HHLA1: variants seen among roughly 807,000 people sequenced by gnomAD.
HHLA1 encodes the protein HERV-H LTR-associating protein 1.
In HHLA1, 72 loss-of-function variants were observed where a neutral mutation model predicts 69.9. That is an observed-to-expected ratio of 1.03 (90% CI 0.85 to 1.25). The LOEUF (loss-of-function observed/expected upper bound fraction) is 1.25. Among genes scored for constraint, HHLA1 ranks in the 50% most tolerant of loss-of-function variants. The probability of loss-of-function intolerance (pLI) is 0.00; values close to 1 mark genes in which losing one functional copy is unlikely to be tolerated. For synonymous variants in HHLA1, 252 were observed against 233.2 expected (o/e 1.08, Z -0.73); for missense variants, 685 against 642.2 (o/e 1.07, Z -0.72).
intron 4 of HHLA1, among the ~76,000 whole-genome samples, chr8:132,099,769 G>A (rs1470382978): frequency 2.6e-5 from 4 of 152,100 alleles, no homozygotes; most frequent in South Asian, 4.2e-4. Flanking sequence ...CAGGAGAATC[G>A]CTTGAGCCTG....
Position 132,063,726 on chromosome 8 carries a change from T to C in HHLA1, c.*269A>G, listed in dbSNP as rs937189346. The C allele has an allele frequency of 5.5e-6, 1 of 181,086 alleles. No individual in the cohort carries two copies. Among genetic ancestry groups the C allele is most frequent in the Admixed American group, 5.5e-5 (1 of 18,106 alleles). The allele number at this position is 181,086 out of a possible 1,614,324, so 11.2% of individuals were successfully genotyped here. Reference sequence around the variant, plus strand: ...GAGTTTCTTGAGCATGAACACTAGATTTCCATGATTTTGAAGCAGGCAAGG... The same window carrying C: ...GAGTTTCTTGAGCATGAACACTAGACTTCCATGATTTTGAAGCAGGCAAGG... On this transcript the variant is annotated 3_prime_UTR_variant, in exon 17 of 17. Transcript: ENST00000414222.
chr8:132,083,316 C>T (rs1225943264), intron 10 of HHLA1, among the ~76,000 whole-genome samples: 13 of 151,252 alleles, frequency 8.6e-5, no homozygotes, highest in African/African-American at 2.4e-4. Flanking sequence ...GAAGCCTGGC[C>T]GTCAATACCC....
chr8:132,088,656 T>G (rs1823899252), intron 8 of HHLA1, among the ~76,000 whole-genome samples: 1 of 152,186 alleles, frequency 6.6e-6, no homozygotes, highest in African/African-American at 2.4e-5. Flanking sequence ...GTAATCATTA[T>G]TGTTATTATT....
At chr8:132,076,452 C>CCCCCCCA in intron 13 of HHLA1, 23 bp downstream of exon 13, 2 of 1,484,200 alleles carry the variant, frequency 1.3e-6, no homozygotes, top group Non-Finnish European at 1.8e-6. Flanking sequence ...CCCAAACCCC[C>CCCCCCCA]ACTTCCGTAC....
At chr8:132,080,756 G>T (rs1024192172) in intron 10 of HHLA1, 1 of 151,438 alleles carries the variant, frequency 6.6e-6, no homozygotes, top group Admixed American at 6.5e-5. Context: ...GAAAATTTTT[G>T]GGGGGTGGTA....
intron 7 of HHLA1, 65 bp from the exon 8 acceptor site, chr8:132,089,664 G>A: frequency 2.5e-6 from 2 of 806,076 alleles, no homozygotes; most frequent in South Asian, 3.0e-5. Context: ...AGTATACTGT[G>A]TTTGGATTTT....
intron 10 of HHLA1, among the ~76,000 whole-genome samples, chr8:132,081,418 A>G (rs957213443): frequency 2.0e-5 from 3 of 152,120 alleles, no homozygotes; most frequent in African/African-American, 4.8e-5. Flanking sequence ...TTGGTGGCTG[A>G]GCTTGGTGAG....
intron 10 of HHLA1, among the ~76,000 whole-genome samples, chr8:132,082,943 G>A (rs1823782671): frequency 6.6e-6 from 1 of 151,654 alleles, no homozygotes; most frequent in Non-Finnish European, 1.5e-5. Flanking sequence ...GTGATAACAG[G>A]CTTTAATCTT....
rs144202037 is a variant in HHLA1, at chr8:132,075,672, C to T, written c.1315+383G>A. ...ACAACCCTGCTCCTTGCAAGAGCAG[C>T]TTCTATTTGCAAAGTGCCCAGCATG... On this transcript the variant is annotated intron_variant, in intron 14 of 16. Transcript: ENST00000414222. Among the ~76,000 whole-genome samples the T allele has an allele frequency of 3.3e-3, 496 of 152,342 alleles. 2 individuals carry two copies. Among genetic ancestry groups the T allele is most frequent in the Middle Eastern group, 0.014 (4 of 294 alleles).
At chr8:132,067,627 G>A (rs1308176873) in intron 15 of HHLA1, among the ~76,000 whole-genome samples, 1 of 152,124 alleles carries the variant, frequency 6.6e-6, no homozygotes. Context: ...GGACAAGAGA[G>A]CAACCACAAC....
At chr8:132,067,603 T>A (rs572420608) in intron 15 of HHLA1, among the ~76,000 whole-genome samples, 7 of 152,228 alleles carry the variant, frequency 4.6e-5, no homozygotes, top group African/African-American at 1.7e-4. Context: ...GGATTCCCAC[T>A]TGGCTGTGGG....
chr8:132,077,819 TC>T lies in HHLA1; in HGVS notation c.1077del (p.Thr360ProfsTer5). The T allele has an allele frequency of 6.4e-7, 1 of 1,551,582 alleles. No individual in the cohort carries two copies. ...ETRSSPPTTA[G>X]TEEAMNTTSL... is the part of the protein sequence containing the mutation. ...CTTGTAGTGTTCATGGCTTCCTCGGTCCCTGCAGTAGTCGGTGGGGAAGAAC... is the reference window on the plus strand; with the variant it reads ...CTTGTAGTGTTCATGGCTTCCTCGGTCCTGCAGTAGTCGGTGGGGAAGAAC... On this transcript the variant is annotated frameshift_variant, in exon 12 of 17. Transcript: ENST00000414222. LOFTEE classifies it high-confidence loss of function.
chr8:132,102,044 C>T (rs1824119057), intron 3 of HHLA1, among the ~76,000 whole-genome samples: 1 of 152,176 alleles, frequency 6.6e-6, no homozygotes, highest in South Asian at 2.1e-4. Flanking sequence ...CTATTCTCTG[C>T]TTCTGTGAGT....
chr8:132,083,633 C>A (rs183611765), intron 10 of HHLA1, among the ~76,000 whole-genome samples: 1 of 151,984 alleles, frequency 6.6e-6, no homozygotes, highest in Non-Finnish European at 1.5e-5. Flanking sequence ...ACAGATGGGA[C>A]GCGGCTTAGG....
At position 132,100,098 on chromosome 8, in the gene HHLA1, C is replaced by G. The variant is rs753509557; in HGVS notation, c.176G>C (p.Gly59Ala). The change falls in exon 4 of 17, where the codon GGG becomes GCG. Residue 59 changes from glycine (G) to alanine (A), a missense_variant. Coordinates refer to ENST00000414222, the MANE Select transcript of HHLA1 (RefSeq NM_001145095.3). ...ACCCGTCGTAGCAAGAAATGCCACCCCCTTCTCCTTCCTCTCTTCTTCTCT... is the reference window on the plus strand; with the variant it reads ...ACCCGTCGTAGCAAGAAATGCCACCGCCTTCTCCTTCCTCTCTTCTTCTCT... ...GLREEERKEK[G>A]VAFLATTELP... 5.4e-5 allele frequency: 84 copies of G among 1,551,358 alleles called. No individual in the cohort carries two copies. Among genetic ancestry groups the G allele is most frequent in the Non-Finnish European group, 1.2e-5 (14 of 1,146,842 alleles).
Position 132,098,971 on chromosome 8 carries a change from G to T in HHLA1, c.200-9C>A, listed in dbSNP as rs771388567. On this transcript the variant is annotated splice_polypyrimidine_tract_variant and intron_variant, in intron 4 of 16. Coordinates refer to ENST00000414222, the MANE Select transcript of HHLA1 (RefSeq NM_001145095.3). ...TGACCTTGCGGGCAGCTCTGAAAGA[G>T]ATTCAGAGATAATGTCACTGGCAGG... 8 of 1,533,954 alleles carry T rather than the reference G, an allele frequency of 5.2e-6. No homozygotes were observed. Among genetic ancestry groups the T allele is most frequent in the Non-Finnish European group, 7.0e-6 (8 of 1,136,488 alleles).
Position 132,071,326 on chromosome 8 carries a change from C to T in HHLA1, c.1469+14G>A. On this transcript the variant is annotated intron_variant, in intron 15 of 16. Transcript: ENST00000414222. ...AAATATTCCATGTGAAAAGAAGCCACTGGGCCAAGTTACCTCATGTCCTCT... is the reference window on the plus strand; with the variant it reads ...AAATATTCCATGTGAAAAGAAGCCATTGGGCCAAGTTACCTCATGTCCTCT... The T allele has an allele frequency of 6.5e-7, 1 of 1,546,260 alleles. No individual in the cohort carries two copies. Among genetic ancestry groups the T allele is most frequent in the Non-Finnish European group, 8.7e-7 (1 of 1,145,118 alleles).
intron 14 of HHLA1, 108 bp from the exon 15 acceptor site, chr8:132,071,601 GCT>G: frequency 1.0e-6 from 1 of 990,680 alleles, no homozygotes; most frequent in Non-Finnish European, 1.5e-6. Flanking sequence ...ATCTCACGTA[GCT>G]CTGAGACAGA....
chr8:132,068,836 G>T (rs1458805556), intron 15 of HHLA1, among the ~76,000 whole-genome samples: 1 of 152,172 alleles, frequency 6.6e-6, no homozygotes, highest in Non-Finnish European at 1.5e-5. Flanking sequence ...CCCCAAGAAT[G>T]GTTCTGGGGC....
Sources: gnomAD v4.1 joint callset for allele counts (sites outside exome capture counted in the v4.1 genomes callset) on GRCh38, gnomAD v4.1.1 for gene constraint, MANE v1.5 for transcripts, NCBI Gene and HGNC (gene_info 2026-07-23, HGNC 2026-07-21) for gene names.